The following PTPRN2 variants were observed in gnomAD, a reference collection of about 807,000 sequenced individuals.
PTPRN2 encodes receptor-type tyrosine-protein phosphatase N2.
Under a neutral mutation model 118.8 loss-of-function variants are expected in PTPRN2, and 74 were observed. That is an observed-to-expected ratio of 0.62 (90% CI 0.52 to 0.76). The LOEUF (loss-of-function observed/expected upper bound fraction) is 0.76, where lower values mean the gene tolerates loss of function less well. PTPRN2 is among the 30% of genes least tolerant of loss of function. The pLI is 0.00. For synonymous variants in PTPRN2, 641 were observed against 608.0 expected, an observed-to-expected ratio of 1.05 and a Z score of -0.80; for missense variants, 1,481 against 1,394.4, an observed-to-expected ratio of 1.06 and a Z score of -0.99.
intron 2 of PTPRN2, among the ~76,000 whole-genome samples, chr7:158,407,704 CATCCTGCGTCCTGG>C (rs1290310935): frequency 8.6e-6 from 1 of 116,948 alleles, no homozygotes; most frequent in African/African-American, 3.3e-5. Flanking sequence ...CTGCGTCCTG[CATCCTGCGTCCTGG>C]GTCCTGGATT....
At chr7:158,146,824 T>C (rs1343973691) in intron 6 of PTPRN2, among the ~76,000 whole-genome samples, 2 of 151,862 alleles carry the variant, frequency 1.3e-5, no homozygotes, top group Non-Finnish European at 2.9e-5. Context: ...CACACTAAAA[T>C]GTTTTGGAGG....
chr7:158,271,376 C>A (rs1461743497), intron 3 of PTPRN2, among the ~76,000 whole-genome samples: 2 of 152,242 alleles, frequency 1.3e-5, no homozygotes, highest in Non-Finnish European at 2.9e-5. Flanking sequence ...GCTGGACTAG[C>A]CACAACTTAT....
chr7:158,235,525 T>C lies in PTPRN2; in HGVS notation c.278-30252A>G, dbSNP rs578248660. ...CAAATACTGCATGTTCTCACTCATATGTGGGAGCTAACAAATGGATCTCAT... is the reference window on the plus strand; with the variant it reads ...CAAATACTGCATGTTCTCACTCATACGTGGGAGCTAACAAATGGATCTCAT... On this transcript the variant is annotated intron_variant, in intron 3 of 22. Transcript: ENST00000389418. Among the ~76,000 whole-genome samples, 7 of 152,324 alleles carry C rather than the reference T, an allele frequency of 4.6e-5. No individual in the cohort carries two copies. In the South Asian group the frequency reaches 1.5e-3, roughly 32 times the overall value.
intron 1 of PTPRN2, among the ~76,000 whole-genome samples, chr7:158,559,777 G>A (rs535681098): frequency 6.6e-6 from 1 of 152,284 alleles, no homozygotes; most frequent in South Asian, 2.1e-4. Flanking sequence ...GGAAGGCCTG[G>A]AGCAAAGAAG....
At chr7:158,033,503 C>T (rs1807844110) in intron 11 of PTPRN2, among the ~76,000 whole-genome samples, 2 of 152,202 alleles carry the variant, frequency 1.3e-5, no homozygotes, top group Admixed American at 6.5e-5. Context: ...AGGACGGGGG[C>T]TGTCCACACC....
chr7:157,654,976 A>C (rs1805974369), intron 14 of PTPRN2, among the ~76,000 whole-genome samples: 1 of 152,220 alleles, frequency 6.6e-6, no homozygotes, highest in Non-Finnish European at 1.5e-5. Flanking sequence ...AAATGTCAAA[A>C]CAGCCTCAGA....
chr7:158,070,822 G>GTGGTGGTGGAGGTGCCCA (rs1563388111), intron 11 of PTPRN2, among the ~76,000 whole-genome samples: 2 of 104,850 alleles, frequency 1.9e-5, no homozygotes, highest in Admixed American at 1.9e-4. Context: ...GAAGGTGCCC[G>GTGGTGGTGGAGGTGCCCA]TGGTGGTGGA....
intron 17 of PTPRN2, 87 bp downstream of exon 17, chr7:157,595,151 G>A: frequency 8.2e-7 from 1 of 1,226,938 alleles, no homozygotes; most frequent in Non-Finnish European, 1.2e-6. Context: ...AAGTTTGATT[G>A]GCCTAATCAG....
chr7:158,146,484 C>G (rs561418643), intron 6 of PTPRN2, among the ~76,000 whole-genome samples: 4 of 151,934 alleles, frequency 2.6e-5, no homozygotes, highest in Non-Finnish European at 4.4e-5. Flanking sequence ...CACTTTGGGA[C>G]GCTGAGGCAT....
chr7:157,725,673 A>C (rs1309125969), intron 12 of PTPRN2, among the ~76,000 whole-genome samples: 5 of 105,012 alleles, frequency 4.8e-5, no homozygotes, highest in Non-Finnish European at 5.6e-5. Flanking sequence ...CAGAGGAGTG[A>C]GCCAGACCCT....
intron 1 of PTPRN2, among the ~76,000 whole-genome samples, chr7:158,569,053 G>C (rs1203749406): frequency 6.6e-6 from 1 of 152,218 alleles, no homozygotes; most frequent in Non-Finnish European, 1.5e-5. Flanking sequence ...TGGAGCCCAA[G>C]GCATGGGAGG....
At chr7:158,312,256 G>A (rs1366758763) in intron 3 of PTPRN2, among the ~76,000 whole-genome samples, 14 of 103,878 alleles carry the variant, frequency 1.3e-4, no homozygotes, top group Admixed American at 7.6e-4. Context: ...ACCTGCACAC[G>A]CACTCACGTG....
At chr7:158,484,211 G>A (rs1003146601) in intron 2 of PTPRN2, among the ~76,000 whole-genome samples, 5 of 151,974 alleles carry the variant, frequency 3.3e-5, no homozygotes, top group South Asian at 2.1e-4. Context: ...CCACCTCACC[G>A]TCCACCTCAG....
intron 12 of PTPRN2, among the ~76,000 whole-genome samples, chr7:157,799,359 C>G (rs1024833202): frequency 6.6e-6 from 1 of 152,180 alleles, no homozygotes; most frequent in Non-Finnish European, 1.5e-5. Context: ...ACATCGCCAT[C>G]TCTTGCCGTG....
At chr7:157,747,129 C>T (rs1254156422) in intron 12 of PTPRN2, among the ~76,000 whole-genome samples, 4 of 123,510 alleles carry the variant, frequency 3.2e-5, no homozygotes, top group Admixed American at 1.8e-4. Flanking sequence ...GGCCTGTGTC[C>T]CTGAGCTGTG....
At position 158,456,170 on chromosome 7, in the gene PTPRN2, C is replaced by A. The variant is rs1818475446; in HGVS notation, c.163+33565G>T. Among the ~76,000 whole-genome samples the A allele has an allele frequency of 2.6e-5, 4 of 151,214 alleles. 1 individual carries two copies. In the South Asian group the frequency reaches 8.6e-4, roughly 33 times the overall value. ...CGGCATGGACGCCATCAGCCACAGC[C>A]CCCCATCACTCTGCAGAGAACATAA... On this transcript the variant is annotated intron_variant, in intron 2 of 22. Coordinates refer to ENST00000389418, the MANE Select transcript of PTPRN2 (RefSeq NM_002847.5).
chr7:157,886,818 G>T (rs1360346330), intron 12 of PTPRN2, among the ~76,000 whole-genome samples: 1 of 152,228 alleles, frequency 6.6e-6, no homozygotes, highest in African/African-American at 2.4e-5. Context: ...CAAACCCACA[G>T]CGGGTCTATC....
chr7:157,972,104 A>G (rs904202386), intron 11 of PTPRN2, among the ~76,000 whole-genome samples: 3 of 152,174 alleles, frequency 2.0e-5, no homozygotes, highest in African/African-American at 7.2e-5. Context: ...CTCCCCAATG[A>G]TTGGCATTTG....
intron 12 of PTPRN2, among the ~76,000 whole-genome samples, chr7:157,809,275 A>G (rs11761053): frequency 0.33 from 46,428 of 140,754 alleles, 9,024 homozygotes; most frequent in African/African-American, 0.57. Flanking sequence ...GGAGCCCGGC[A>G]CCACCCCTGC....
Sources: gnomAD v4.1 joint callset for allele counts (sites outside exome capture counted in the v4.1 genomes callset) on GRCh38, gnomAD v4.1.1 for gene constraint, MANE v1.5 for transcripts, NCBI Gene and HGNC (gene_info 2026-07-23, HGNC 2026-07-21) for gene names.